Variants in NRIP2 observed in about 807,000 individuals in gnomAD.
NRIP2 encodes the protein nuclear receptor-interacting protein 2.
A neutral mutation model predicts 34.1 loss-of-function variants in NRIP2; 27 were observed. That is an observed-to-expected ratio of 0.79 (90% CI 0.58 to 1.09). The LOEUF (loss-of-function observed/expected upper bound fraction) is 1.09, where lower values mean the gene tolerates loss of function less well. Among genes scored for constraint, NRIP2 ranks in the 50% least tolerant of loss-of-function variants. The pLI is 0.00. For missense variants in NRIP2, 385 were observed against 352.6 expected, an observed-to-expected ratio of 1.09 and a Z score of -0.74; for synonymous variants, 145 against 146.9, an observed-to-expected ratio of 0.99 and a Z score of 0.09.
chr12:2,835,004 C>G lies in NRIP2; in HGVS notation c.-21G>C, dbSNP rs776757299. ...AACATGCAGGAGCAGCCGCGTCAGT[C>G]TCCAATTTCCCGAGATTGCTGTAGA... On this transcript the variant is annotated 5_prime_UTR_variant, in exon 1 of 6. Coordinates refer to ENST00000337508, the MANE Select transcript of NRIP2 (RefSeq NM_031474.3). 3 of 1,533,526 alleles carry G rather than the reference C, an allele frequency of 2.0e-6. No individual in the cohort carries two copies. The highest frequency in any genetic ancestry group is 4.5e-5 in the East Asian group (2 of 44,126). 95.0% of individuals were successfully genotyped at this position (1,533,526 alleles called of 1,614,324 possible).
intron 2 of NRIP2, among the ~76,000 whole-genome samples, chr12:2,828,732 C>A (rs1316710945): frequency 2.0e-5 from 3 of 152,146 alleles, no homozygotes; most frequent in African/African-American, 7.2e-5. Context: ...ATCCCAGCTA[C>A]TCGGGAGGCT....
Position 2,827,971 on chromosome 12 carries a change from G to A in NRIP2, c.655C>T (p.Leu219=), listed in dbSNP as rs2097977288. The change falls in exon 4 of 6, where the codon CTA becomes TTA. Residue 219 remains leucine (L), a synonymous_variant. Coordinates refer to ENST00000337508, the MANE Select transcript of NRIP2 (RefSeq NM_031474.3). This position sits in a 1 kb window ranked among gnomAD's most constrained non-coding sequence, Gnocchi z 4.0. ...ACCACAGTCTCCTGCCCCAGCTGTA[G>A]CTCCAACTGCTCCACCTGGGTTGGG... is the stretch of plus-strand genomic sequence containing the variant. ...GPPTQVEQLE[L]QLGQETVVCS... The A allele has an allele frequency of 1.2e-6, 2 of 1,614,214 alleles. No homozygotes were observed. Among genetic ancestry groups the A allele is most frequent in the Non-Finnish European group, 1.7e-6 (2 of 1,180,040 alleles).
In NRIP2 at chr12:2,827,526, TC is replaced by T; in HGVS notation, c.753+98del. 1 of 1,588,700 alleles carries T rather than the reference TC, an allele frequency of 6.3e-7. No individual in the cohort carries two copies. Among genetic ancestry groups the T allele is most frequent in the African/African-American group, 1.4e-5 (1 of 73,628 alleles). On this transcript the variant is annotated intron_variant, in intron 5 of 5. Coordinates refer to ENST00000337508, the MANE Select transcript of NRIP2 (RefSeq NM_031474.3). This position sits in a 1 kb window ranked among gnomAD's most constrained non-coding sequence, Gnocchi z 4.0. ...GGAAGCAAAGGGACAGTTGCCCATC[TC>T]TAAGTCACTCTCATCAGAACCTGGT...
At position 2,827,067 on chromosome 12, in the gene NRIP2, T is replaced by C; in HGVS notation, c.*140A>G. On this transcript the variant is annotated 3_prime_UTR_variant, in exon 6 of 6. Coordinates refer to ENST00000337508, the MANE Select transcript of NRIP2 (RefSeq NM_031474.3). This position sits in a 1 kb window ranked among gnomAD's most constrained non-coding sequence, Gnocchi z 4.0. ...GAGGAATGCGGCCAGCTGGGGAAAA[T>C]GGGACAGCAGGGGTCAGGGAGGTGA... The C allele has an allele frequency of 6.7e-7, 1 of 1,483,928 alleles. No individual in the cohort carries two copies. The highest frequency in any genetic ancestry group is 1.3e-5 in the South Asian group (1 of 74,500). The allele number at this position is 1,483,928 out of a possible 1,614,324, so 91.9% of individuals were successfully genotyped here.
In NRIP2 at chr12:2,829,618, T is replaced by G. The variant is rs116608509; in HGVS notation, c.495+1090A>C. On this transcript the variant is annotated intron_variant, in intron 2 of 5. Coordinates refer to ENST00000337508, the MANE Select transcript of NRIP2 (RefSeq NM_031474.3). Reference sequence around the variant, plus strand: ...GTAGTCTAAAAATACAAAAAAAGAATTAGCCAGCTGTGGTGGCGCACACTT... The same window carrying G: ...GTAGTCTAAAAATACAAAAAAAGAAGTAGCCAGCTGTGGTGGCGCACACTT... 5.6e-3 allele frequency among the ~76,000 whole-genome samples: 849 copies of G among 150,972 alleles called. 11 individuals are homozygous for G. The highest frequency in any genetic ancestry group is 0.02 in the African/African-American group (819 of 41,030).
intron 2 of NRIP2, among the ~76,000 whole-genome samples, chr12:2,828,874 C>A (rs1444460557): frequency 6.6e-6 from 1 of 151,962 alleles, no homozygotes; most frequent in African/African-American, 2.4e-5. Flanking sequence ...TTTTATGAGA[C>A]TCATACAATA....
At position 2,828,422 on chromosome 12, in the gene NRIP2, A is replaced by G. The variant is rs774261467; in HGVS notation, c.496-8T>C. 1 of 1,612,184 alleles carries G rather than the reference A, an allele frequency of 6.2e-7. No homozygotes were observed. The highest frequency in any genetic ancestry group is 1.3e-5 in the African/African-American group (1 of 74,860). On this transcript the variant is annotated splice_polypyrimidine_tract_variant and splice_region_variant and intron_variant, in intron 2 of 5. Coordinates refer to ENST00000337508, the MANE Select transcript of NRIP2 (RefSeq NM_031474.3). ...AAGCAGCTGGTCCTGGCACTAAGAA[A>G]GAAGAATCGTGGTGAATCAGTGAGT...
chr12:2,829,899 GAAACCCCATCTCT>G lies in NRIP2; in HGVS notation c.495+796_495+808del, dbSNP rs1486547090. Among the ~76,000 whole-genome samples, 6 of 152,148 alleles carry G rather than the reference GAAACCCCATCTCT, an allele frequency of 3.9e-5. No homozygotes were observed. In the East Asian group the frequency reaches 9.7e-4, roughly 25 times the overall value. The stretch of plus-strand genomic sequence containing the variant: ...TTGAGACCAGCCTGACCAACCTGGA[GAAACCCCATCTCT>G]ACTAAAAATACAAAATTAGCCAAGT... On this transcript the variant is annotated intron_variant, in intron 2 of 5. Coordinates refer to ENST00000337508, the MANE Select transcript of NRIP2 (RefSeq NM_031474.3).
chr12:2,827,952 G>A lies in NRIP2; in HGVS notation c.674C>T (p.Thr225Ile). ...EQLELQLGQETVVCSAQVVDA... is the reference protein window; with the variant it reads ...EQLELQLGQEIVVCSAQVVDA... ...CACCACCTGTGCCGAGCACACCACA[G>A]TCTCCTGCCCCAGCTGTAGCTCCAA... Residue 225 changes from threonine (T) to isoleucine (I), a missense_variant, in exon 4 of 6, where the codon ACT becomes ATT. Transcript: ENST00000337508. This position sits in a 1 kb window ranked among gnomAD's most constrained non-coding sequence, Gnocchi z 4.0. 2 of 1,614,196 alleles carry A rather than the reference G, an allele frequency of 1.2e-6. No homozygotes were observed. The highest frequency in any genetic ancestry group is 1.3e-5 in the African/African-American group (1 of 75,064).
chr12:2,831,036 AATC>A (rs1470094359), intron 1 of NRIP2, 176 bp from the exon 2 acceptor site: 1 of 548,920 alleles, frequency 1.8e-6, no homozygotes, highest in African/African-American at 2.0e-5. Flanking sequence ...CCCAGTATCA[AATC>A]ATGCCGTTTT....
chr12:2,831,857 G>T (rs185856796), intron 1 of NRIP2, among the ~76,000 whole-genome samples: 3 of 152,162 alleles, frequency 2.0e-5, no homozygotes, highest in African/African-American at 7.2e-5. Context: ...TCAGCCTCCT[G>T]AGCAGCTGGG....
chr12:2,829,693 G>A (rs527322539), intron 2 of NRIP2, among the ~76,000 whole-genome samples: 1 of 152,150 alleles, frequency 6.6e-6, no homozygotes, highest in African/African-American at 2.4e-5. Context: ...CTTGAGTCCA[G>A]GAGGTTGAGG....
Position 2,827,047 on chromosome 12 carries a change from A to G in NRIP2, c.*160T>C. On this transcript the variant is annotated 3_prime_UTR_variant, in exon 6 of 6. Transcript: ENST00000337508. The surrounding 1 kb of genome is among the most constrained non-coding windows in gnomAD (Gnocchi z 4.0). ...GACAGCTGCTGAGAAGCAGAGAGGA[A>G]TGCGGCCAGCTGGGGAAAATGGGAC... is the stretch of plus-strand genomic sequence containing the variant. 2 of 1,467,802 alleles carry G rather than the reference A, an allele frequency of 1.4e-6. No individual in the cohort carries two copies. Among genetic ancestry groups the G allele is most frequent in the Non-Finnish European group, 1.8e-6 (2 of 1,118,068 alleles). The allele number at this position is 1,467,802 out of a possible 1,614,324, so 90.9% of individuals were successfully genotyped here.
chr12:2,827,716 C>T lies in NRIP2; in HGVS notation c.701-39G>A. Reference sequence around the variant, plus strand: ...TTGAAAACAGAAGAGGCTGAGGGTTCCCAGTGGTCACTGCTGCCCTCCTCT... The same window carrying T: ...TTGAAAACAGAAGAGGCTGAGGGTTTCCAGTGGTCACTGCTGCCCTCCTCT... On this transcript the variant is annotated intron_variant, in intron 4 of 5. Transcript: ENST00000337508. This position sits in a 1 kb window ranked among gnomAD's most constrained non-coding sequence, Gnocchi z 4.0. 6.2e-7 allele frequency: 1 copy of T among 1,613,370 alleles called. No individual in the cohort carries two copies. Among genetic ancestry groups the T allele is most frequent in the Non-Finnish European group, 8.5e-7 (1 of 1,179,982 alleles).
At chr12:2,830,555 G>A (rs772120267) in intron 2 of NRIP2, 153 bp downstream of exon 2, 4 of 712,304 alleles carry the variant, frequency 5.6e-6, no homozygotes, top group Non-Finnish European at 9.1e-6. Flanking sequence ...CAGGGAGGAA[G>A]GAGGTAGAGG....
Position 2,827,570 on chromosome 12 carries a change from G to A in NRIP2, c.753+55C>T. On this transcript the variant is annotated intron_variant, in intron 5 of 5. Transcript: ENST00000337508. The surrounding 1 kb of genome is among the most constrained non-coding windows in gnomAD (Gnocchi z 4.0). ...AACCTGGTCCAGGTTCCACACCTGT[G>A]CCTTCTACTACTTTTTCCCAGTGCT... is the stretch of plus-strand genomic sequence containing the variant. 1 of 1,613,330 alleles carries A rather than the reference G, an allele frequency of 6.2e-7. No individual in the cohort carries two copies. Among genetic ancestry groups the A allele is most frequent in the Middle Eastern group, 1.7e-4 (1 of 6,018 alleles).
In NRIP2 at chr12:2,834,662, G is replaced by A; in HGVS notation, c.322C>T (p.Leu108Phe). Residue 108 changes from leucine to phenylalanine, a missense_variant, in exon 1 of 6, where the codon CTC (leucine) becomes TTC (phenylalanine). Leu to Phe is a conservative substitution (Grantham distance 22, BLOSUM62 0). Coordinates refer to ENST00000337508, the MANE Select transcript of NRIP2 (RefSeq NM_031474.3). ...DLLPLDSLKR[L>F]GTSKDLQPRS... Reference sequence around the variant, plus strand: ...CTCACCAAGTCCTTGGAGGTGCCGAGCCTCTTGAGGCTGTCCAGCGGGAGC... The same window carrying A: ...CTCACCAAGTCCTTGGAGGTGCCGAACCTCTTGAGGCTGTCCAGCGGGAGC... 2 of 1,602,498 alleles carry A rather than the reference G, an allele frequency of 1.2e-6. No individual in the cohort carries two copies. The highest frequency in any genetic ancestry group is 1.1e-5 in the South Asian group (1 of 89,992).
rs887980298 is a variant in NRIP2 at position 2,827,158 on chromosome 12, C to T, written c.*49G>A. 7.4e-6 allele frequency: 12 copies of T among 1,613,028 alleles called. No homozygotes were observed. The highest frequency in any genetic ancestry group is 3.3e-4 in the Middle Eastern group (2 of 6,056). On this transcript the variant is annotated 3_prime_UTR_variant, in exon 6 of 6. Coordinates refer to ENST00000337508, the MANE Select transcript of NRIP2 (RefSeq NM_031474.3). This position sits in a 1 kb window ranked among gnomAD's most constrained non-coding sequence, Gnocchi z 4.0. The stretch of plus-strand genomic sequence containing the variant: ...AAGAGCCCCCGTTCCCCACACGCCT[C>T]TTCTTCTAAGGCAAGGTCTTTCCCT...
Sources: gnomAD v4.1 joint callset for allele counts (sites outside exome capture counted in the v4.1 genomes callset) on GRCh38, gnomAD v4.1.1 for gene constraint, Gnocchi (gnomAD v3.1) non-coding constraint, MANE v1.5 for transcripts, NCBI Gene and HGNC (gene_info 2026-07-23, HGNC 2026-07-21) for gene names.